RANBP2: variants seen among roughly 807,000 people sequenced by gnomAD.
The protein encoded by RANBP2 is E3 SUMO-protein ligase RanBP2.
A neutral mutation model predicts 303.6 loss-of-function variants in RANBP2; 57 were observed. That is an observed-to-expected ratio of 0.19 (90% CI 0.15 to 0.23). The LOEUF is 0.23. Ranked by LOEUF, RANBP2 falls within the 10% of genes least tolerant of loss-of-function variation. RANBP2 has a pLI of 1.00. For synonymous variants in RANBP2, 1,167 were observed against 1,301.5 expected (o/e 0.90, Z 2.23); for missense variants, 3,138 against 3,780.8 (o/e 0.83, Z 4.46).
the RANBP2 span, among the ~76,000 whole-genome samples, chr2:108,991,260 A>T: frequency 6.6e-6 from 1 of 152,252 alleles, no homozygotes; most frequent in Non-Finnish European, 1.5e-5. Context: ...CAGTTGATTA[A>T]GAGAAAGAAT....
chr2:108,979,619 C>A, the RANBP2 span, among the ~76,000 whole-genome samples: 1 of 152,038 alleles, frequency 6.6e-6, no homozygotes, highest in African/African-American at 2.4e-5. Context: ...AGGTGCAGGG[C>A]TGTGGAGAAG....
the RANBP2 span, among the ~76,000 whole-genome samples, chr2:108,919,096 A>G: frequency 6.6e-6 from 1 of 152,106 alleles, no homozygotes; most frequent in Admixed American, 6.5e-5. Context: ...CAGGTCTGAG[A>G]GGCTCTGAGC....
chr2:109,460,638 T>C, the RANBP2 span, among the ~76,000 whole-genome samples: 2 of 152,244 alleles, frequency 1.3e-5, no homozygotes, highest in African/African-American at 4.8e-5. Flanking sequence ...TTGGTGAGCA[T>C]TTAAATGGCA....
At chr2:109,544,296 T>C in the RANBP2 span, 6 of 1,602,280 alleles carry the variant, frequency 3.7e-6, no homozygotes, top group Non-Finnish European at 5.1e-6. Context: ...TTCTGTGCTC[T>C]GGAACTTCTG....
chr2:109,156,944 A>AT, the RANBP2 span, among the ~76,000 whole-genome samples: 1 of 152,238 alleles, frequency 6.6e-6, no homozygotes, highest in Non-Finnish European at 1.5e-5. Flanking sequence ...TTTCTTATTT[A>AT]AAGACTACCA....
At chr2:109,511,011 G>T in the RANBP2 span, among the ~76,000 whole-genome samples, 2 of 152,156 alleles carry the variant, frequency 1.3e-5, no homozygotes, top group African/African-American at 4.8e-5. Context: ...CCTCGTTTTT[G>T]TCCTCACATC....
the RANBP2 span, among the ~76,000 whole-genome samples, chr2:108,915,853 C>T: frequency 1.2e-4 from 18 of 151,918 alleles, no homozygotes; most frequent in East Asian, 3.9e-4. Flanking sequence ...GTCGAGACCA[C>T]GCCATTGCAC....
At chr2:108,821,861 C>G in the RANBP2 span, among the ~76,000 whole-genome samples, 1 of 148,212 alleles carries the variant, frequency 6.7e-6, no homozygotes, top group East Asian at 2.0e-4. Flanking sequence ...GGGAGAATTG[C>G]TTGAACCCAG....
At chr2:109,240,372 C>T in the RANBP2 span, among the ~76,000 whole-genome samples, 1 of 152,134 alleles carries the variant, frequency 6.6e-6, no homozygotes, top group South Asian at 2.1e-4. Context: ...CCTGTAATCC[C>T]AGCTACTTGG....
the RANBP2 span, among the ~76,000 whole-genome samples, chr2:109,704,055 A>C: frequency 1.3e-5 from 2 of 151,888 alleles, no homozygotes; most frequent in Admixed American, 1.3e-4. Flanking sequence ...AAATTAAATG[A>C]CCTCTCTGCC....
chr2:109,078,718 C>CTT, the RANBP2 span, among the ~76,000 whole-genome samples: 2 of 149,804 alleles, frequency 1.3e-5, no homozygotes, highest in East Asian at 3.9e-4. Flanking sequence ...CGCGTTGGTG[C>CTT]GCGCCTGTAA....
the RANBP2 span, among the ~76,000 whole-genome samples, chr2:109,290,225 T>A: frequency 6.6e-6 from 1 of 152,320 alleles, no homozygotes; most frequent in East Asian, 1.9e-4. Context: ...TTCAGACACA[T>A]CACATCATTC....
At position 108,751,661 on chromosome 2, in the gene RANBP2, C is replaced by G. The variant is rs770287479; in HGVS notation, c.1589C>G (p.Ser530Cys). ...CAGCTTTGTACAGAAAGACAAAAAT[C>G]TTGGTGGGATGCGGTTTGTACTCTG... The part of the protein sequence containing the change: ...CKQLCTERQK[S>C]WWDAVCTLIH... Residue 530 changes from serine (S) to cysteine (C), a missense_variant, in exon 11 of 29, where the codon TCT becomes TGT. Physicochemically the swap from Ser to Cys is moderately radical, Grantham distance 112 (BLOSUM62 -1). Transcript: ENST00000283195. 5 of 1,611,372 alleles carry G rather than the reference C, an allele frequency of 3.1e-6. No homozygotes were observed. Among genetic ancestry groups the G allele is most frequent in the Non-Finnish European group, 2.5e-6 (3 of 1,179,534 alleles).
At chr2:109,546,484 CATT>C in the RANBP2 span, among the ~76,000 whole-genome samples, 1 of 151,846 alleles carries the variant, frequency 6.6e-6, no homozygotes, top group Non-Finnish European at 1.5e-5. Flanking sequence ...ATTTTTAAAA[CATT>C]GTGAACTTTT....
the RANBP2 span, among the ~76,000 whole-genome samples, chr2:109,078,854 G>T: frequency 1.3e-5 from 2 of 151,890 alleles, no homozygotes; most frequent in Non-Finnish European, 2.9e-5. Context: ...AGCCGGGTGT[G>T]GTGGCACACA....
At chr2:109,022,359 T>C in the RANBP2 span, among the ~76,000 whole-genome samples, 1 of 152,264 alleles carries the variant, frequency 6.6e-6, no homozygotes, top group Non-Finnish European at 1.5e-5. Flanking sequence ...AGTGTTACTG[T>C]CCTCAGGCAT....
the RANBP2 span, among the ~76,000 whole-genome samples, chr2:109,077,288 G>A: frequency 1.3e-5 from 2 of 150,462 alleles, no homozygotes; most frequent in Non-Finnish European, 3.0e-5. Flanking sequence ...ACTCCTACAC[G>A]GAAACATAGA....
the RANBP2 span, among the ~76,000 whole-genome samples, chr2:109,425,928 C>T: frequency 2.6e-5 from 4 of 152,070 alleles, no homozygotes; most frequent in South Asian, 8.3e-4. Flanking sequence ...GATGGAGTTT[C>T]ACTCTGTCGT....
rs761993059 is a variant in RANBP2 at position 108,773,010 on chromosome 2, C to T, written c.8256C>T (p.Asp2752=). 1.9e-6 allele frequency: 3 copies of T among 1,613,390 alleles called. No individual in the cohort carries two copies. The highest frequency in any genetic ancestry group is 1.7e-6 in the Non-Finnish European group (2 of 1,179,658). The change falls in exon 23 of 29, where the codon GAC becomes GAT. Residue 2752 remains aspartate (D), a synonymous_variant. Transcript: ENST00000283195. ...DTDEDNGNGE[D]FQSELQKVQE... Reference sequence around the variant, plus strand: ...ATGAAGACAATGGAAATGGGGAGGACTTTCAATCAGAGCTTCAAAAAGTTC... The same window carrying T: ...ATGAAGACAATGGAAATGGGGAGGATTTTCAATCAGAGCTTCAAAAAGTTC...
Sources: allele counts gnomAD v4.1 joint callset (sites outside exome capture counted in the v4.1 genomes callset), GRCh38; gene constraint gnomAD v4.1.1; transcripts MANE v1.5; gene names NCBI Gene and HGNC (gene_info 2026-07-23, HGNC 2026-07-21).